The following SYT2 variants were observed in gnomAD, a reference collection of about 807,000 sequenced individuals.
SYT2 encodes the protein synaptotagmin-2.
Under a neutral mutation model 39.9 loss-of-function variants are expected in SYT2, and 15 were observed. That is an observed-to-expected ratio of 0.38 (90% CI 0.25 to 0.58). The LOEUF is 0.58. SYT2 is among the 20% of genes least tolerant of loss of function. SYT2 has a pLI of 0.70. For missense variants in SYT2, 389 were observed against 530.3 expected (o/e 0.73, Z 2.62); for synonymous variants, 181 against 204.5 (o/e 0.89, Z 0.98).
At chr1:202,691,684 GGGGAGAGGGAGAGGGAGA>G (rs1169874133) in intron 1 of SYT2, among the ~76,000 whole-genome samples, 3 of 49,828 alleles carry the variant, frequency 6.0e-5, no homozygotes, top group South Asian at 8.7e-4. Flanking sequence ...AGGGAGCGAG[GGGGAGAGGGAGAGGGAGA>G]GGGAGAGGGA....
At chr1:202,626,170 G>A (rs1691399061) in intron 1 of SYT2, among the ~76,000 whole-genome samples, 1 of 152,094 alleles carries the variant, frequency 6.6e-6, no homozygotes, top group African/African-American at 2.4e-5. Flanking sequence ...GTGGGTAATG[G>A]GAGGGGGTGG....
At chr1:202,631,331 C>G (rs1421416852) in intron 1 of SYT2, among the ~76,000 whole-genome samples, 3 of 152,146 alleles carry the variant, frequency 2.0e-5, no homozygotes, top group Non-Finnish European at 2.9e-5. Context: ...CCCTGACTCC[C>G]TGGAGCTGGC....
At chr1:202,672,778 G>GGAGAGAGA (rs758339723) in intron 1 of SYT2, among the ~76,000 whole-genome samples, 1 of 25,946 alleles carries the variant, frequency 3.9e-5, no homozygotes, top group Admixed American at 4.5e-4. Flanking sequence ...AGGGAGGGAG[G>GGAGAGAGA]GAGAGAGAGA....
Position 202,678,248 on chromosome 1 carries a change from T to C in SYT2, c.-18+32010A>G, listed in dbSNP as rs1034827128. The stretch of plus-strand genomic sequence containing the variant: ...GAGATCGTGCCACTGCACTCCAGCC[T>C]GAGTGACAGAGCGAGACTCTGTCTC... On this transcript the variant is annotated intron_variant, in intron 1 of 8. Transcript: ENST00000367268. 1.5e-3 allele frequency among the ~76,000 whole-genome samples: 179 copies of C among 119,798 alleles called. 2 individuals carry two copies. The highest frequency in any genetic ancestry group is 5.8e-3 in the African/African-American group (175 of 30,218). 78.6% of individuals were successfully genotyped at this position (119,798 alleles called of 152,430 possible).
At chr1:202,640,435 G>A (rs1691871266) in intron 1 of SYT2, among the ~76,000 whole-genome samples, 1 of 152,174 alleles carries the variant, frequency 6.6e-6, no homozygotes, top group Admixed American at 6.5e-5. Flanking sequence ...CCGGCCATGG[G>A]GTCCTGGGAG....
intron 1 of SYT2, among the ~76,000 whole-genome samples, chr1:202,666,152 CAAAAAAAAAA>C (rs56942389): frequency 1.9e-5 from 2 of 102,944 alleles, no homozygotes; most frequent in South Asian, 6.0e-4. Context: ...GACTCCGTCT[CAAAAAAAAAA>C]AAAAAAAAAG....
chr1:202,681,541 G>T (rs1010858438), intron 1 of SYT2, among the ~76,000 whole-genome samples: 10 of 152,314 alleles, frequency 6.6e-5, no homozygotes, highest in African/African-American at 2.4e-4. Flanking sequence ...CGGATAAAAA[G>T]CTTCAGACCA....
chr1:202,674,391 C>T (rs61820925), intron 1 of SYT2, among the ~76,000 whole-genome samples: 2,945 of 152,242 alleles, frequency 0.019, 37 homozygotes, highest in Non-Finnish European at 0.028. Flanking sequence ...CATGAGCCAC[C>T]GCGCCTGGCC....
At chr1:202,611,934 A>G (rs1690893016) in intron 1 of SYT2, among the ~76,000 whole-genome samples, 1 of 150,798 alleles carries the variant, frequency 6.6e-6, no homozygotes, top group African/African-American at 2.4e-5. Context: ...CACTGCAGCC[A>G]TGGCCTCCTG....
chr1:202,597,098 C>G (rs2149064218), intron 8 of SYT2, 135 bp from the exon 9 acceptor site: 2 of 709,916 alleles, frequency 2.8e-6, no homozygotes, highest in Non-Finnish European at 4.7e-6. Flanking sequence ...CATCTCTGCT[C>G]CAGTGAAGAC....
chr1:202,654,296 GCA>G (rs1364664375), intron 1 of SYT2, among the ~76,000 whole-genome samples: 1 of 152,128 alleles, frequency 6.6e-6, no homozygotes, highest in African/African-American at 2.4e-5. Context: ...ACCCAAGAAG[GCA>G]CATTCTCCAC....
At chr1:202,648,623 AACCC>A (rs774264189) in intron 1 of SYT2, among the ~76,000 whole-genome samples, 24 of 152,212 alleles carry the variant, frequency 1.6e-4, no homozygotes, top group Non-Finnish European at 3.1e-4. Flanking sequence ...GCATACCTCA[AACCC>A]AAGGCGTCTG....
Position 202,642,577 on chromosome 1 carries a change from G to A in SYT2, c.-17-36788C>T, listed in dbSNP as rs561223010. On this transcript the variant is annotated intron_variant, in intron 1 of 8. Transcript: ENST00000367268. ...TTCCTCCAATGCACAGAGCCGTGGCGCGTGTCAAAGTGTGGGAAAGTTCCC... is the reference window on the plus strand; with the variant it reads ...TTCCTCCAATGCACAGAGCCGTGGCACGTGTCAAAGTGTGGGAAAGTTCCC... Among the ~76,000 whole-genome samples the A allele has an allele frequency of 6.6e-5, 10 of 152,296 alleles. No individual in the cohort carries two copies. The East Asian group carries it at 1.7e-3, about 26-fold the overall frequency.
chr1:202,617,347 T>C (rs917468308), intron 1 of SYT2, among the ~76,000 whole-genome samples: 9 of 152,024 alleles, frequency 5.9e-5, no homozygotes, highest in Non-Finnish European at 1.2e-4. Flanking sequence ...ATGAGACTGG[T>C]CATTTAAAAG....
Position 202,609,736 on chromosome 1 carries a change from T to C in SYT2, c.-17-3947A>G, listed in dbSNP as rs111292205. Among the ~76,000 whole-genome samples the C allele has an allele frequency of 5.2e-3, 792 of 152,334 alleles. 6 individuals carry two copies. The highest frequency in any genetic ancestry group is 0.018 in the African/African-American group (760 of 41,572). On this transcript the variant is annotated intron_variant, in intron 1 of 8. Coordinates refer to ENST00000367268, the MANE Select transcript of SYT2 (RefSeq NM_177402.5). ...TCCTTTGCCCACTTTTTGATGGGGT[T>C]GTTTTTTTCTTGTAAATTTGTTTGA...
intron 1 of SYT2, among the ~76,000 whole-genome samples, chr1:202,708,584 G>A (rs190297400): frequency 1.9e-4 from 29 of 152,132 alleles, no homozygotes; most frequent in Non-Finnish European, 3.4e-4. Flanking sequence ...CATTTTCCAG[G>A]GGCATGGGAG....
intron 1 of SYT2, among the ~76,000 whole-genome samples, chr1:202,681,772 A>G (rs1384039666): frequency 6.6e-6 from 1 of 152,198 alleles, no homozygotes; most frequent in East Asian, 1.9e-4. Flanking sequence ...AGTAGCACCA[A>G]TAAATCAGCT....
chr1:202,702,412 C>G (rs1654143977), intron 1 of SYT2, among the ~76,000 whole-genome samples: 1 of 152,216 alleles, frequency 6.6e-6, no homozygotes, highest in African/African-American at 2.4e-5. Flanking sequence ...ATGCCTTTTC[C>G]TACTCGTGGG....
At chr1:202,685,299 G>GC (rs1298777673) in intron 1 of SYT2, among the ~76,000 whole-genome samples, 6 of 152,050 alleles carry the variant, frequency 3.9e-5, no homozygotes, top group African/African-American at 1.4e-4. Flanking sequence ...CTGCACCAGT[G>GC]CCCCCCACCA....
Sources: allele counts gnomAD v4.1 joint callset (sites outside exome capture counted in the v4.1 genomes callset), GRCh38; gene constraint gnomAD v4.1.1; transcripts MANE v1.5; gene names NCBI Gene and HGNC (gene_info 2026-07-23, HGNC 2026-07-21).